Variants in EFNA2 observed in about 807,000 individuals in gnomAD.
EFNA2 encodes ephrin-A2.
Under a neutral mutation model 19.7 loss-of-function variants are expected in EFNA2, and 18 were observed. That is an observed-to-expected ratio of 0.91 (90% CI 0.63 to 1.35). EFNA2 has a LOEUF of 1.35. EFNA2 is among the 40% of genes most tolerant of loss of function. The pLI is 0.00. For synonymous variants in EFNA2, 187 were observed against 137.8 expected, an observed-to-expected ratio of 1.36 and a Z score of -2.50; for missense variants, 303 against 296.0, an observed-to-expected ratio of 1.02 and a Z score of -0.17.
rs2081463707 is a variant in EFNA2, at chr19:1,286,249, G to C, written c.81G>C (p.Glu27Asp). The change falls in exon 1 of 4, where the codon GAG (glutamate) becomes GAC (aspartate). Residue 27 changes from glutamate to aspartate, a missense_variant. Transcript: ENST00000215368. The surrounding 1 kb of genome is among the most constrained non-coding windows in gnomAD (Gnocchi z 5.6). ...CGCCGCCGCCCTTCGCGCGCGCCGA[G>C]GACGCCGCCCGCGCCAACTCGGACC... ...PLPPPPFARA[E>D]DAARANSDRY... The C allele has an allele frequency of 7.1e-6, 8 of 1,130,346 alleles. No homozygotes were observed. Among genetic ancestry groups the C allele is most frequent in the Non-Finnish European group, 8.8e-6 (8 of 908,046 alleles). The allele number at this position is 1,130,346 out of a possible 1,614,324, so 70.0% of individuals were successfully genotyped here.
chr19:1,284,402 C>T (rs576973795), upstream of EFNA2, among the ~76,000 whole-genome samples: 2 of 152,250 alleles, frequency 1.3e-5, no homozygotes, highest in African/African-American at 4.8e-5. The surrounding 1 kb of genome is among the most constrained non-coding windows in gnomAD (Gnocchi z 5.3). Context: ...GAGCTCAGAA[C>T]AGACGGGCTG....
rs372529716 is a variant in EFNA2 at position 1,287,878 on chromosome 19, C to T, written c.140+1570C>T. Among the ~76,000 whole-genome samples, 7 of 152,352 alleles carry T rather than the reference C, an allele frequency of 4.6e-5. No individual in the cohort carries two copies. The highest frequency in any genetic ancestry group is 2.1e-4 in the South Asian group (1 of 4,832). On this transcript the variant is annotated intron_variant, in intron 1 of 3. Coordinates refer to ENST00000215368, the MANE Select transcript of EFNA2 (RefSeq NM_001405.4). The surrounding 1 kb of genome is among the most constrained non-coding windows in gnomAD (Gnocchi z 6.2). The stretch of plus-strand genomic sequence containing the variant: ...AGCAAACGCCAAACACACGAGGACC[C>T]GGCAACCGGGGGAGGAAGGTGGTCA...
chr19:1,285,532 T>C (rs1468188306), upstream of EFNA2, among the ~76,000 whole-genome samples: 1 of 152,058 alleles, frequency 6.6e-6, no homozygotes, highest in African/African-American at 2.4e-5. The surrounding 1 kb of genome is among the most constrained non-coding windows in gnomAD (Gnocchi z 4.1). Context: ...GAGCCCGATT[T>C]GGGACGCGTG....
rs931004533 is a variant in EFNA2 at position 1,286,050 on chromosome 19, GCGCCCTCCTCCCGCC to G, written c.-110_-96del. ...CGGCCCGGGATCTCCAAGCGCCGCC[GCGCCCTCCTCCCGCC>G]CGCCCTCCGCCCGCCCGCTCGGCGG... On this transcript the variant is annotated 5_prime_UTR_variant, in exon 1 of 4. Coordinates refer to ENST00000215368, the MANE Select transcript of EFNA2 (RefSeq NM_001405.4). The surrounding 1 kb of genome is among the most constrained non-coding windows in gnomAD (Gnocchi z 5.6). 66 of 193,744 alleles carry G rather than the reference GCGCCCTCCTCCCGCC, an allele frequency of 3.4e-4. No homozygotes were observed. The highest frequency in any genetic ancestry group is 1.4e-3 in the African/African-American group (57 of 41,290). 12.0% of individuals were successfully genotyped at this position (193,744 alleles called of 1,614,324 possible).
At chr19:1,291,205 A>G (rs2081490063) in intron 1 of EFNA2, among the ~76,000 whole-genome samples, 1 of 152,166 alleles carries the variant, frequency 6.6e-6, no homozygotes, top group Admixed American at 6.5e-5. Flanking sequence ...TACCAGGGCC[A>G]CCCACGCCCA....
At chr19:1,292,363 C>T (rs2081495750) in intron 1 of EFNA2, among the ~76,000 whole-genome samples, 1 of 152,258 alleles carries the variant, frequency 6.6e-6, no homozygotes. Flanking sequence ...GTGGGCTGCT[C>T]CCCACAACTC....
Position 1,286,901 on chromosome 19 carries a change from G to A in EFNA2, c.140+593G>A, listed in dbSNP as rs984186373. On this transcript the variant is annotated intron_variant, in intron 1 of 3. Transcript: ENST00000215368. This position sits in a 1 kb window ranked among gnomAD's most constrained non-coding sequence, Gnocchi z 5.6. The stretch of plus-strand genomic sequence containing the variant: ...AGACTGAGGGGCCGGGGAGCTGGGG[G>A]TCAGCCCCGGGAGGGGCAGTGGGAT... 2.0e-5 allele frequency among the ~76,000 whole-genome samples: 3 copies of A among 152,214 alleles called. No homozygotes were observed. Among genetic ancestry groups the A allele is most frequent in the Non-Finnish European group, 4.4e-5 (3 of 68,038 alleles).
intron 1 of EFNA2, among the ~76,000 whole-genome samples, chr19:1,289,017 T>G (rs1456234956): frequency 6.6e-6 from 1 of 152,210 alleles, no homozygotes; most frequent in African/African-American, 2.4e-5. Context: ...CAACACCGCG[T>G]GTGCATTCCC....
rs929093737 is a variant in EFNA2 at position 1,292,753 on chromosome 19, C to T, written c.141-2792C>T. On this transcript the variant is annotated intron_variant, in intron 1 of 3. Coordinates refer to ENST00000215368, the MANE Select transcript of EFNA2 (RefSeq NM_001405.4). ...ATGGAGGGCTCTGAGCCGCCGCCAA[C>T]GTGTTACAGGGTCTGTTTTGCAGAA... 2.4e-4 allele frequency among the ~76,000 whole-genome samples: 37 copies of T among 152,274 alleles called. 1 individual carries two copies. The Middle Eastern group carries it at 0.02, about 84-fold the overall frequency.
chr19:1,291,933 AGT>A (rs1411397309), intron 1 of EFNA2, among the ~76,000 whole-genome samples: 1 of 152,018 alleles, frequency 6.6e-6, no homozygotes, highest in Non-Finnish European at 1.5e-5. Context: ...AGGTTGAGTG[AGT>A]GTGGGGGGAA....
intron 2 of EFNA2, among the ~76,000 whole-genome samples, chr19:1,298,169 C>G (rs2081524659): frequency 6.6e-6 from 1 of 151,338 alleles, no homozygotes; most frequent in Non-Finnish European, 1.5e-5. Flanking sequence ...TCCACAGGCT[C>G]TCAGAGGCAG....
Position 1,295,749 on chromosome 19 carries a change from C to T in EFNA2, c.345C>T (p.Asn115=). ...GCGGCTTCAAGCGCTGGGAGTGCAACCGGCCCGCGGCGCCCGGGGGGCCGC... is the reference window on the plus strand; with the variant it reads ...GCGGCTTCAAGCGCTGGGAGTGCAATCGGCCCGCGGCGCCCGGGGGGCCGC... ...RQRGFKRWEC[N]RPAAPGGPLK... The change falls in exon 2 of 4, where the codon AAC becomes AAT. Residue 115 remains asparagine, a synonymous_variant. Transcript: ENST00000215368. The surrounding 1 kb of genome is among the most constrained non-coding windows in gnomAD (Gnocchi z 5.8). 6.2e-7 allele frequency: 1 copy of T among 1,606,220 alleles called. No homozygotes were observed. The highest frequency in any genetic ancestry group is 1.7e-4 in the Middle Eastern group (1 of 5,992).
intron 1 of EFNA2, among the ~76,000 whole-genome samples, chr19:1,290,992 C>T (rs946465676): frequency 3.9e-5 from 6 of 152,324 alleles, no homozygotes; most frequent in Middle Eastern, 3.4e-3. Flanking sequence ...CAGCTCTGTG[C>T]GCCCCTTGTC....
chr19:1,295,943 G>A lies in EFNA2; in HGVS notation c.454+85G>A. 1 of 1,267,770 alleles carries A rather than the reference G, an allele frequency of 7.9e-7. No individual in the cohort carries two copies. The highest frequency in any genetic ancestry group is 1.1e-6 in the Non-Finnish European group (1 of 951,812). The allele number at this position is 1,267,770 out of a possible 1,614,324, so 78.5% of individuals were successfully genotyped here. ...CCAGGAAGTGGGCGGGACCACTGGG[G>A]TGGGGCCGGGGAGTGGGCGGGGCAG... On this transcript the variant is annotated intron_variant, in intron 2 of 3. Coordinates refer to ENST00000215368, the MANE Select transcript of EFNA2 (RefSeq NM_001405.4). This position sits in a 1 kb window ranked among gnomAD's most constrained non-coding sequence, Gnocchi z 5.8.
rs947644907 is a variant in EFNA2, at chr19:1,296,173, C to T, written c.454+315C>T. ...CATCCCGGGAGGCCAGGACTTTCCT[C>T]GTCCTTCGTTGCATATGGGGAAACT... On this transcript the variant is annotated intron_variant, in intron 2 of 3. Coordinates refer to ENST00000215368, the MANE Select transcript of EFNA2 (RefSeq NM_001405.4). This position sits in a 1 kb window ranked among gnomAD's most constrained non-coding sequence, Gnocchi z 4.4. Among the ~76,000 whole-genome samples, 5 of 152,208 alleles carry T rather than the reference C, an allele frequency of 3.3e-5. No individual in the cohort carries two copies. Among genetic ancestry groups the T allele is most frequent in the Admixed American group, 6.5e-5 (1 of 15,288 alleles).
chr19:1,300,971 TG>T lies in EFNA2; in HGVS notation c.*1033del, dbSNP rs34109954. Among the ~76,000 whole-genome samples the T allele has an allele frequency of 3.4e-5, 5 of 145,854 alleles. No individual in the cohort carries two copies. The highest frequency in any genetic ancestry group is 5.1e-5 in the African/African-American group (2 of 39,600). The stretch of plus-strand genomic sequence containing the variant: ...CTTCATAGGGGGTCTTTTATTTTGG[TG>T]GGGGGGTGGGGTGGACTTTTAGAGT... On this transcript the variant is annotated 3_prime_UTR_variant, in exon 4 of 4. Coordinates refer to ENST00000215368, the MANE Select transcript of EFNA2 (RefSeq NM_001405.4).
In EFNA2 at chr19:1,297,845, G is replaced by A. The variant is rs1021181272; in HGVS notation, c.455-706G>A. On this transcript the variant is annotated intron_variant, in intron 2 of 3. Coordinates refer to ENST00000215368, the MANE Select transcript of EFNA2 (RefSeq NM_001405.4). The surrounding 1 kb of genome is among the most constrained non-coding windows in gnomAD (Gnocchi z 5.0). ...CCAGCACTTTGGGAGGCCGAGGCGG[G>A]TGGATCACCTGAGGTCAGGAGTTCA... Among the ~76,000 whole-genome samples the A allele has an allele frequency of 6.6e-6, 1 of 152,072 alleles. No individual in the cohort carries two copies. The highest frequency in any genetic ancestry group is 1.5e-5 in the Non-Finnish European group (1 of 68,006).
rs961835067 is a variant in EFNA2, at chr19:1,287,763, G to C, written c.140+1455G>C. Among the ~76,000 whole-genome samples the C allele has an allele frequency of 6.6e-6, 1 of 152,254 alleles. No homozygotes were observed. Among genetic ancestry groups the C allele is most frequent in the Non-Finnish European group, 1.5e-5 (1 of 68,042 alleles). Reference sequence around the variant, plus strand: ...TGATTAAGGCTGTCGCTGGCCGTGCGGGGAGTCCAGCGGGCAGCGCTTCCC... The same window carrying C: ...TGATTAAGGCTGTCGCTGGCCGTGCCGGGAGTCCAGCGGGCAGCGCTTCCC... On this transcript the variant is annotated intron_variant, in intron 1 of 3. Transcript: ENST00000215368. The surrounding 1 kb of genome is among the most constrained non-coding windows in gnomAD (Gnocchi z 6.2).
chr19:1,298,753 AT>A, intron 3 of EFNA2, 137 bp downstream of exon 3: 4 of 912,596 alleles, frequency 4.4e-6, no homozygotes. Flanking sequence ...CCCAGCCTCG[AT>A]TTCCCCGTCT....
Sources: gnomAD v4.1 joint callset for allele counts (sites outside exome capture counted in the v4.1 genomes callset) on GRCh38, gnomAD v4.1.1 for gene constraint, Gnocchi (gnomAD v3.1) non-coding constraint, MANE v1.5 for transcripts, NCBI Gene and HGNC (gene_info 2026-07-23, HGNC 2026-07-21) for gene names.